The following DOCK5 variants were observed in gnomAD, a reference collection of about 807,000 sequenced individuals.
DOCK5 encodes dedicator of cytokinesis 5.
Under a neutral mutation model 251.8 loss-of-function variants are expected in DOCK5, and 142 were observed. That is an observed-to-expected ratio of 0.56 (90% confidence interval 0.49 to 0.65). DOCK5 has a LOEUF of 0.65. Ranked by LOEUF, DOCK5 falls within the 30% of genes least tolerant of loss-of-function variation. The pLI, the probability that DOCK5 is intolerant of heterozygous loss-of-function variation, is 0.00. For missense variants in DOCK5, 2,111 were observed against 2,312.3 expected (o/e 0.91, Z 1.79); for synonymous variants, 842 against 835.5 (o/e 1.01, Z -0.13).
chr8:25,276,621 A>G (rs1325628540), intron 4 of DOCK5, among the ~76,000 whole-genome samples: 4 of 152,150 alleles, frequency 2.6e-5, no homozygotes, highest in Non-Finnish European at 5.9e-5. Context: ...TAGAAAGAGC[A>G]TTCCCAGTTG....
In DOCK5 at chr8:25,374,940, T is replaced by A. The variant is rs189549968; in HGVS notation, c.3816+286T>A. On this transcript the variant is annotated intron_variant, in intron 37 of 51. Coordinates refer to ENST00000276440, the MANE Select transcript of DOCK5 (RefSeq NM_024940.8). ...AATAAAACACACATTGATGAATACA[T>A]AAAAAAATTTGTAAAACTGCAGAAA... 4 of 1,238,494 alleles carry A rather than the reference T, an allele frequency of 3.2e-6. No individual in the cohort carries two copies. The East Asian group carries it at 1.8e-4, about 57-fold the overall frequency. 76.7% of individuals were successfully genotyped at this position (1,238,494 alleles called of 1,614,324 possible).
intron 5 of DOCK5, among the ~76,000 whole-genome samples, chr8:25,285,869 A>G (rs1804318637): frequency 6.6e-6 from 1 of 152,198 alleles, no homozygotes; most frequent in Non-Finnish European, 1.5e-5. Flanking sequence ...GGCTCTAACA[A>G]GAGAGCCAAG....
At chr8:25,407,048 C>T (rs1042301107) in intron 48 of DOCK5, among the ~76,000 whole-genome samples, 4 of 151,928 alleles carry the variant, frequency 2.6e-5, no homozygotes, top group Non-Finnish European at 5.9e-5. Context: ...ATCCTTCTTT[C>T]TAAACAATTA....
At position 25,380,499 on chromosome 8, in the gene DOCK5, A is replaced by G. The variant is rs1586379786; in HGVS notation, c.4026+105A>G. 14 of 977,446 alleles carry G rather than the reference A, an allele frequency of 1.4e-5. No individual in the cohort carries two copies. In the East Asian group the frequency reaches 3.7e-4, roughly 26 times the overall value. The allele number at this position is 977,446 out of a possible 1,614,324, so 60.5% of individuals were successfully genotyped here. A position where few individuals can be genotyped will look rare whatever the true frequency, so the allele number is the denominator to read the frequency against. ...AAGTCAGGATGAATGGTGTTTTTTT[A>G]CAATGGAAAAGTCAACTTTGCTTGA... On this transcript the variant is annotated intron_variant, in intron 39 of 51. Coordinates refer to ENST00000276440, the MANE Select transcript of DOCK5 (RefSeq NM_024940.8).
intron 39 of DOCK5, 93 bp from the exon 40 acceptor site, chr8:25,382,581 T>C: frequency 1.0e-6 from 1 of 985,072 alleles, no homozygotes; most frequent in Non-Finnish European, 1.5e-6. Context: ...TGCTCTGGGT[T>C]ACGTGGGAAA....
intron 27 of DOCK5, among the ~76,000 whole-genome samples, chr8:25,356,540 G>A (rs979188151): frequency 2.0e-5 from 3 of 151,898 alleles, no homozygotes; most frequent in African/African-American, 4.8e-5. Context: ...GGTGACATGC[G>A]CCTGTAATCC....
intron 3 of DOCK5, among the ~76,000 whole-genome samples, chr8:25,269,692 T>C (rs1803855124): frequency 6.6e-6 from 1 of 152,262 alleles, no homozygotes; most frequent in Non-Finnish European, 1.5e-5. Context: ...ACTTTTCCTT[T>C]GATACTGCTC....
intron 1 of DOCK5, among the ~76,000 whole-genome samples, chr8:25,207,161 C>T (rs1056028563): frequency 1.1e-4 from 17 of 151,902 alleles, no homozygotes; most frequent in African/African-American, 3.9e-4. Flanking sequence ...CTTTATTGAT[C>T]GACCATAAGA....
At chr8:25,227,800 A>G (rs1459413745) in intron 1 of DOCK5, among the ~76,000 whole-genome samples, 1 of 152,232 alleles carries the variant, frequency 6.6e-6, no homozygotes, top group Non-Finnish European at 1.5e-5. Flanking sequence ...AAAGTATTAG[A>G]TAATACTTTC....
At chr8:25,343,801 GT>G (rs1350195188) in intron 25 of DOCK5, among the ~76,000 whole-genome samples, 1 of 151,974 alleles carries the variant, frequency 6.6e-6, no homozygotes, top group East Asian at 1.9e-4. Flanking sequence ...TAAAGCAAGC[GT>G]TTTTTTGTTT....
chr8:25,372,488 T>C (rs1240853105), intron 34 of DOCK5, 71 bp from the exon 35 acceptor site: 1 of 1,450,662 alleles, frequency 6.9e-7, no homozygotes, highest in Non-Finnish European at 9.1e-7. Flanking sequence ...GAGACCCTGG[T>C]CAGTGCTGGT....
chr8:25,308,687 C>A, intron 11 of DOCK5, 96 bp from the exon 12 acceptor site: 2 of 1,376,280 alleles, frequency 1.5e-6, no homozygotes, highest in Non-Finnish European at 1.0e-6. Context: ...TTGATATCTC[C>A]AAATTATTCC....
At chr8:25,206,492 G>A (rs918312699) in intron 1 of DOCK5, among the ~76,000 whole-genome samples, 1 of 152,300 alleles carries the variant, frequency 6.6e-6, no homozygotes, top group African/African-American at 2.4e-5. Context: ...TCCTGAAAAT[G>A]TAACAGTTGG....
chr8:25,342,752 G>A lies in DOCK5; in HGVS notation c.2617+245G>A, dbSNP rs181525644. On this transcript the variant is annotated intron_variant, in intron 25 of 51. Coordinates refer to ENST00000276440, the MANE Select transcript of DOCK5 (RefSeq NM_024940.8). The stretch of plus-strand genomic sequence containing the variant: ...CTCATTCTGTCACCCAGGCTGGAGT[G>A]CAGTGGCGCAATCTCGGCTCACTGC... Among the ~76,000 whole-genome samples, 286 of 125,064 alleles carry A rather than the reference G, an allele frequency of 2.3e-3. 1 individual carries two copies. Among genetic ancestry groups the A allele is most frequent in the Non-Finnish European group, 3.9e-3 (240 of 62,122 alleles). 82.0% of individuals were successfully genotyped at this position (125,064 alleles called of 152,430 possible). A position where few individuals can be genotyped will look rare whatever the true frequency, so the allele number is the denominator to read the frequency against.
At chr8:25,391,212 T>G (rs868147992) in intron 42 of DOCK5, among the ~76,000 whole-genome samples, 8 of 115,530 alleles carry the variant, frequency 6.9e-5, no homozygotes, top group East Asian at 4.9e-4. Flanking sequence ...TGTGTGTGTG[T>G]GTGTGTGTGT....
intron 1 of DOCK5, among the ~76,000 whole-genome samples, chr8:25,189,871 G>A (rs1390384062): frequency 6.6e-6 from 1 of 152,130 alleles, no homozygotes; most frequent in Non-Finnish European, 1.5e-5. Flanking sequence ...TTGGGCTTTT[G>A]TTGTGTTTTT....
intron 1 of DOCK5, among the ~76,000 whole-genome samples, chr8:25,242,961 C>G (rs1187845676): frequency 2.6e-5 from 4 of 152,220 alleles, no homozygotes; most frequent in African/African-American, 9.6e-5. Flanking sequence ...CGTGTTCTTG[C>G]AGGCTGGCTG....
At chr8:25,188,058 C>G (rs1801477024) in intron 1 of DOCK5, among the ~76,000 whole-genome samples, 1 of 152,180 alleles carries the variant, frequency 6.6e-6, no homozygotes, top group African/African-American at 2.4e-5. Flanking sequence ...TTTGCTTGTC[C>G]TTGATGTTGG....
Position 25,375,409 on chromosome 8 carries a change from AT to A in DOCK5, c.3816+766del, listed in dbSNP as rs59599794. 3.2e-4 allele frequency: 48 copies of A among 147,906 alleles called. No individual in the cohort carries two copies. In the East Asian group the frequency reaches 3.4e-3, roughly 10 times the overall value. The allele number at this position is 147,906 out of a possible 1,614,324, so 9.2% of individuals were successfully genotyped here. Reference sequence around the variant, plus strand: ...TATCCGCTTTTCTTTTTCTTTCTTTATTTTTTTTTTTAAAGAGATGAGATCT... The same window carrying A: ...TATCCGCTTTTCTTTTTCTTTCTTTATTTTTTTTTTAAAGAGATGAGATCT... On this transcript the variant is annotated intron_variant, in intron 37 of 51. Coordinates refer to ENST00000276440, the MANE Select transcript of DOCK5 (RefSeq NM_024940.8).
Sources: gnomAD v4.1 joint callset for allele counts (sites outside exome capture counted in the v4.1 genomes callset) on GRCh38, gnomAD v4.1.1 for gene constraint, MANE v1.5 for transcripts, NCBI Gene and HGNC (gene_info 2026-07-23, HGNC 2026-07-21) for gene names.